Variants in UBLCP1 observed in about 807,000 individuals in gnomAD.
UBLCP1 encodes the protein ubiquitin-like domain-containing CTD phosphatase 1.
Under a neutral mutation model 42.4 loss-of-function variants are expected in UBLCP1, and 28 were observed. The ratio of observed to expected loss-of-function variants is 0.66; its 90% CI spans 0.49 to 0.90. The LOEUF (loss-of-function observed/expected upper bound fraction) is 0.90, where lower values mean the gene tolerates loss of function less well. Among genes scored for constraint, UBLCP1 ranks in the 40% least tolerant of loss-of-function variants. UBLCP1 has a pLI of 0.00. For synonymous variants in UBLCP1, 122 were observed against 120.8 expected, an observed-to-expected ratio of 1.01 and a Z score of -0.07; for missense variants, 279 against 374.5, an observed-to-expected ratio of 0.75 and a Z score of 2.10.
intron 1 of UBLCP1, among the ~76,000 whole-genome samples, chr5:159,267,703 T>C (rs1257387101): frequency 5.3e-5 from 8 of 152,140 alleles, no homozygotes; most frequent in Non-Finnish European, 1.0e-4. Context: ...AATTGAATCT[T>C]GGGGGGTGGT....
chr5:159,273,499 A>G (rs926272308), intron 6 of UBLCP1, among the ~76,000 whole-genome samples: 8 of 152,188 alleles, frequency 5.3e-5, no homozygotes, highest in African/African-American at 1.9e-4. Flanking sequence ...AGAAATGAAG[A>G]TATCTAAATA....
At chr5:159,279,906 G>A (rs1265334107) in intron 9 of UBLCP1, among the ~76,000 whole-genome samples, 2 of 139,572 alleles carry the variant, frequency 1.4e-5, no homozygotes, top group Non-Finnish European at 3.1e-5. Flanking sequence ...TGGAGGAGAC[G>A]TTTAACTTTA....
chr5:159,271,315 C>T (rs1396918592), intron 5 of UBLCP1, among the ~76,000 whole-genome samples: 8 of 151,666 alleles, frequency 5.3e-5, no homozygotes, highest in South Asian at 2.1e-4. Context: ...TAAAAATACT[C>T]GCTGGATGTG....
chr5:159,266,433 T>G (rs1249305795), intron 1 of UBLCP1, among the ~76,000 whole-genome samples: 1 of 152,202 alleles, frequency 6.6e-6, no homozygotes, highest in Non-Finnish European at 1.5e-5. Flanking sequence ...TTGGGTACTG[T>G]TAAAGGCACT....
intron 1 of UBLCP1, among the ~76,000 whole-genome samples, chr5:159,265,847 T>C (rs879460321): frequency 6.7e-6 from 1 of 149,424 alleles, no homozygotes; most frequent in Admixed American, 6.6e-5. Context: ...CTCTGGCTAA[T>C]TTTTTTTTGT....
intron 8 of UBLCP1, among the ~76,000 whole-genome samples, chr5:159,276,828 A>C (rs1030209142): frequency 6.6e-6 from 1 of 152,222 alleles, no homozygotes; most frequent in African/African-American, 2.4e-5. Context: ...TTGTTTATAA[A>C]AATGCCTGGA....
At chr5:159,274,450 C>T (rs1471967243) in intron 6 of UBLCP1, 135 bp from the exon 7 acceptor site, 1 of 576,516 alleles carries the variant, frequency 1.7e-6, no homozygotes, top group Non-Finnish European at 3.0e-6. Context: ...AGAAAATTAC[C>T]ATAAGTATGC....
At position 159,275,262 on chromosome 5, in the gene UBLCP1, A is replaced by G. The variant is rs773735608; in HGVS notation, c.684+16A>G. ...ATTAATAGACGTAAGAAGTCATTTT[A>G]TTTCTATTTAATGACACCATGGTTA... On this transcript the variant is annotated intron_variant, in intron 8 of 10. Transcript: ENST00000296786. The G allele has an allele frequency of 6.3e-6, 10 of 1,590,792 alleles. No homozygotes were observed. The highest frequency in any genetic ancestry group is 2.7e-5 in the African/African-American group (2 of 74,404).
At chr5:159,282,284 A>T (rs2113323325) in intron 9 of UBLCP1, among the ~76,000 whole-genome samples, 1 of 152,308 alleles carries the variant, frequency 6.6e-6, no homozygotes, top group African/African-American at 2.4e-5. Flanking sequence ...GCTATAAAAT[A>T]AGGAAAAGTG....
chr5:159,266,659 G>A (rs867582333), intron 1 of UBLCP1, among the ~76,000 whole-genome samples: 41 of 152,302 alleles, frequency 2.7e-4, no homozygotes, highest in African/African-American at 8.2e-4. Flanking sequence ...GCACAGGCCC[G>A]GAGGCCCAGG....
chr5:159,279,838 G>A (rs968390698), intron 9 of UBLCP1, among the ~76,000 whole-genome samples: 11 of 152,096 alleles, frequency 7.2e-5, no homozygotes, highest in African/African-American at 2.4e-5. Context: ...TTTGTGAAAC[G>A]AATGGTTATT....
intron 1 of UBLCP1, among the ~76,000 whole-genome samples, chr5:159,268,024 T>C (rs1208764712): frequency 1.3e-5 from 2 of 152,166 alleles, no homozygotes; most frequent in Non-Finnish European, 2.9e-5. Flanking sequence ...AGAAGAAACA[T>C]AAGATTTAGT....
At chr5:159,264,362 G>C (rs1358468352) in intron 1 of UBLCP1, among the ~76,000 whole-genome samples, 1 of 152,130 alleles carries the variant, frequency 6.6e-6, no homozygotes, top group African/African-American at 2.4e-5. Flanking sequence ...TAAGAAAGAA[G>C]GTTAAATGTG....
intron 1 of UBLCP1, among the ~76,000 whole-genome samples, chr5:159,267,433 A>G (rs183620009): frequency 2.4e-4 from 37 of 152,194 alleles, no homozygotes; most frequent in African/African-American, 8.4e-4. Context: ...CTTTCTTTTG[A>G]TTTTACAGGC....
intron 10 of UBLCP1, 100 bp from the exon 11 acceptor site, chr5:159,284,804 A>G (rs1753650522): frequency 8.3e-7 from 1 of 1,208,178 alleles, no homozygotes; most frequent in Non-Finnish European, 1.2e-6. Context: ...TCATCTTGAA[A>G]TGTTTTGTCA....
rs200983241 is a variant in UBLCP1, at chr5:159,269,041, C to T, written c.126C>T (p.Arg42=). The T allele has an allele frequency of 2.7e-5, 43 of 1,589,150 alleles. No homozygotes were observed. The highest frequency in any genetic ancestry group is 1.5e-5 in the Non-Finnish European group (17 of 1,171,066). ...LKTLTGVLPE[R]QKLLGLKVKG... is the part of the protein sequence containing the mutation. ...CCCTTACAGGAGTTCTTCCAGAACG[C>T]CAAAAGTTACTTGGACTCAAAGTTA... Residue 42 remains arginine (R), a synonymous_variant, in exon 2 of 11, where the codon CGC becomes CGT. Coordinates refer to ENST00000296786, the MANE Select transcript of UBLCP1 (RefSeq NM_145049.5).
At chr5:159,284,004 C>G (rs147359590) in intron 10 of UBLCP1, among the ~76,000 whole-genome samples, 1 of 152,048 alleles carries the variant, frequency 6.6e-6, no homozygotes, top group East Asian at 1.9e-4. Context: ...GGAATTAGAT[C>G]TTTGAGGATC....
rs1416001641 is a variant in UBLCP1 at position 159,271,570 on chromosome 5, C to A, written c.449-453C>A. 3.3e-5 allele frequency among the ~76,000 whole-genome samples: 5 copies of A among 152,096 alleles called. No individual in the cohort carries two copies. The East Asian group carries it at 9.6e-4, about 29-fold the overall frequency. Reference sequence around the variant, plus strand: ...TCTGATACTGGAATTTATTTCTAACCCTAAACCTAAAACATAAGTTAATGT... The same window carrying A: ...TCTGATACTGGAATTTATTTCTAACACTAAACCTAAAACATAAGTTAATGT... On this transcript the variant is annotated intron_variant, in intron 5 of 10. Coordinates refer to ENST00000296786, the MANE Select transcript of UBLCP1 (RefSeq NM_145049.5).
rs1243456763 is a variant in UBLCP1, at chr5:159,284,912, CAAA to C, written c.939_941del (p.Lys315del). On this transcript the variant is annotated inframe_deletion, in exon 11 of 11. Coordinates refer to ENST00000296786, the MANE Select transcript of UBLCP1 (RefSeq NM_145049.5). ...TATTTTATTTCTTGCAGATATCTCTCAAAGAAGCAAGGACAGTAGTTACAAGTT... is the reference window on the plus strand; with the variant it reads ...TATTTTATTTCTTGCAGATATCTCTCGAAGCAAGGACAGTAGTTACAAGTT... The C allele has an allele frequency of 5.6e-6, 9 of 1,612,898 alleles. No individual in the cohort carries two copies. The highest frequency in any genetic ancestry group is 5.9e-6 in the Non-Finnish European group (7 of 1,179,376).
Sources: allele counts gnomAD v4.1 joint callset (sites outside exome capture counted in the v4.1 genomes callset), GRCh38; gene constraint gnomAD v4.1.1; transcripts MANE v1.5; gene names NCBI Gene and HGNC (gene_info 2026-07-23, HGNC 2026-07-21).